The following KATNIP variants were observed in gnomAD, a reference collection of about 807,000 sequenced individuals.
KATNIP encodes the protein katanin-interacting protein.
KATNIP carries 126 observed loss-of-function variants against 174.0 expected under a neutral mutation model. The ratio of observed to expected loss-of-function variants is 0.72; its 90% CI spans 0.63 to 0.84. The LOEUF (loss-of-function observed/expected upper bound fraction) is 0.84, where lower values mean the gene tolerates loss of function less well. Ranked by LOEUF, KATNIP falls within the 40% of genes least tolerant of loss-of-function variation. The pLI is 0.00. For synonymous variants in KATNIP, 810 were observed against 835.7 expected (o/e 0.97, Z 0.53); for missense variants, 1,958 against 2,109.7 (o/e 0.93, Z 1.41).
At chr16:27,629,259 G>A (rs991505944) in intron 4 of KATNIP, among the ~76,000 whole-genome samples, 4 of 151,846 alleles carry the variant, frequency 2.6e-5, no homozygotes, top group Non-Finnish European at 5.9e-5. Context: ...GCCAGAAAGA[G>A]AGCATAAGAA....
intron 11 of KATNIP, among the ~76,000 whole-genome samples, chr16:27,702,312 G>A (rs112993599): frequency 1.2e-4 from 18 of 152,314 alleles, no homozygotes; most frequent in African/African-American, 3.6e-4. Flanking sequence ...CCACAGCAGC[G>A]TCCTTCGAAG....
chr16:27,584,153 G>C (rs1467649458), intron 2 of KATNIP, among the ~76,000 whole-genome samples: 1 of 152,022 alleles, frequency 6.6e-6, no homozygotes, highest in Non-Finnish European at 1.5e-5. Flanking sequence ...ATAGTGATTG[G>C]TGCTTCTTCC....
At chr16:27,552,103 T>C (rs2089404318) in intron 1 of KATNIP, among the ~76,000 whole-genome samples, 1 of 152,192 alleles carries the variant, frequency 6.6e-6, no homozygotes, top group South Asian at 2.1e-4. Context: ...TGGAAAACAA[T>C]TACATTTGCC....
At position 27,661,931 on chromosome 16, in the gene KATNIP, T is replaced by TAC. The variant is rs1445752757; in HGVS notation, c.540+13197_540+13198insCA. ...TGGCTAATATATATATATATATATA[T>TAC]ATATATATATATATATATATATATA... On this transcript the variant is annotated intron_variant, in intron 6 of 27. Transcript: ENST00000261588. Among the ~76,000 whole-genome samples, 17 of 58,772 alleles carry TAC rather than the reference T, an allele frequency of 2.9e-4. 1 individual carries two copies. Among genetic ancestry groups the TAC allele is most frequent in the African/African-American group, 1.1e-3 (15 of 14,266 alleles). 38.6% of individuals were successfully genotyped at this position (58,772 alleles called of 152,430 possible).
At chr16:27,707,457 A>G (rs908333718) in intron 12 of KATNIP, among the ~76,000 whole-genome samples, 3 of 152,206 alleles carry the variant, frequency 2.0e-5, no homozygotes, top group African/African-American at 7.2e-5. Flanking sequence ...ACACTTACAG[A>G]GCGCACCCAG....
chr16:27,693,498 C>T (rs956415987), intron 8 of KATNIP, among the ~76,000 whole-genome samples: 1 of 152,164 alleles, frequency 6.6e-6, no homozygotes, highest in Non-Finnish European at 1.5e-5. Context: ...AAGCGATTCT[C>T]CTGCCTCAGC....
intron 5 of KATNIP, chr16:27,644,238 TCTCGAA>T (rs2142293765): frequency 1.3e-5 from 2 of 152,266 alleles, no homozygotes; most frequent in South Asian, 4.2e-4. Flanking sequence ...GCCAGGCTGG[TCTCGAA>T]CTCCTGATCT....
At position 27,740,482 on chromosome 16, in the gene KATNIP, G is replaced by A. The variant is rs143351048; in HGVS notation, c.2185G>A (p.Glu729Lys). The A allele has an allele frequency of 3.8e-5, 61 of 1,613,996 alleles. No individual in the cohort carries two copies. The highest frequency in any genetic ancestry group is 4.8e-5 in the Non-Finnish European group (57 of 1,180,036). The part of the protein sequence containing the change: ...PPVKCPPVHE[E>K]PSLIQQLENL... Reference sequence around the variant, plus strand: ...TGTGAAGTGCCCTCCTGTCCATGAGGAGCCCTCTCTCATCCAACAACTGGA... The same window carrying A: ...TGTGAAGTGCCCTCCTGTCCATGAGAAGCCCTCTCTCATCCAACAACTGGA... Residue 729 changes from glutamate to lysine, a missense_variant, in exon 15 of 28, where the codon GAG (glutamate) becomes AAG (lysine). Coordinates refer to ENST00000261588, the MANE Select transcript of KATNIP (RefSeq NM_015202.5).
At chr16:27,668,503 G>A (rs1158398321) in intron 6 of KATNIP, among the ~76,000 whole-genome samples, 2 of 152,216 alleles carry the variant, frequency 1.3e-5, no homozygotes, top group Non-Finnish European at 2.9e-5. Flanking sequence ...CCAGCCATGT[G>A]GAACTGTAAG....
intron 5 of KATNIP, chr16:27,631,389 T>C (rs552875113): frequency 4.1e-6 from 2 of 492,956 alleles, no homozygotes; most frequent in East Asian, 6.7e-5. Flanking sequence ...AAAATAAAAA[T>C]AAAAAATTCG....
chr16:27,591,595 A>G (rs2075168693), intron 2 of KATNIP, among the ~76,000 whole-genome samples: 1 of 152,194 alleles, frequency 6.6e-6, no homozygotes, highest in Non-Finnish European at 1.5e-5. Flanking sequence ...AAATGGGGAT[A>G]ATGATAATAA....
chr16:27,551,224 T>A (rs1348686876), intron 1 of KATNIP, among the ~76,000 whole-genome samples: 2 of 152,248 alleles, frequency 1.3e-5, no homozygotes, highest in African/African-American at 4.8e-5. Flanking sequence ...AGAGTCCAGA[T>A]CATTTTTCTA....
chr16:27,757,486 C>A (rs1411128717), intron 18 of KATNIP: 21 of 985,166 alleles, frequency 2.1e-5, no homozygotes, highest in Admixed American at 6.1e-5. Context: ...CTGATGATTT[C>A]CCCAAAGATG....
chr16:27,612,481 G>A (rs1456960037), intron 2 of KATNIP, among the ~76,000 whole-genome samples: 3 of 152,124 alleles, frequency 2.0e-5, no homozygotes, highest in Non-Finnish European at 4.4e-5. Context: ...CTTGGGGCCA[G>A]GTGTGGTGGC....
intron 3 of KATNIP, among the ~76,000 whole-genome samples, chr16:27,627,122 G>T (rs370585448): frequency 2.6e-5 from 4 of 152,042 alleles, no homozygotes; most frequent in Non-Finnish European, 5.9e-5. Context: ...GCATTTTTGC[G>T]GTCACTTGCA....
At chr16:27,756,017 C>T (rs2081709561) in intron 18 of KATNIP, among the ~76,000 whole-genome samples, 1 of 152,216 alleles carries the variant, frequency 6.6e-6, no homozygotes, top group Admixed American at 6.5e-5. Flanking sequence ...CAGCCGTCAG[C>T]ACTTCCCGCC....
At chr16:27,620,182 C>T (rs1280459336) in intron 3 of KATNIP, among the ~76,000 whole-genome samples, 1 of 152,142 alleles carries the variant, frequency 6.6e-6, no homozygotes, top group East Asian at 1.9e-4. Flanking sequence ...AACTGAGTTG[C>T]CATAAAATTT....
At chr16:27,571,262 A>C (rs889103507) in intron 1 of KATNIP, among the ~76,000 whole-genome samples, 1 of 152,104 alleles carries the variant, frequency 6.6e-6, no homozygotes, top group Non-Finnish European at 1.5e-5. Context: ...TGAAGTCCTG[A>C]CCTCAGGTGA....
rs112164383 is a variant in KATNIP at position 27,762,146 on chromosome 16, C to T, written c.3809+556C>T. 1.0e-3 allele frequency among the ~76,000 whole-genome samples: 156 copies of T among 152,302 alleles called. 1 individual carries two copies. The highest frequency in any genetic ancestry group is 3.1e-3 in the African/African-American group (128 of 41,562). On this transcript the variant is annotated intron_variant, in intron 19 of 27. Transcript: ENST00000261588. Reference sequence around the variant, plus strand: ...TTGATCCACATGGACCTGCAGCCCACAGACCAGCACTCAGTTCCCCTGCCC... The same window carrying T: ...TTGATCCACATGGACCTGCAGCCCATAGACCAGCACTCAGTTCCCCTGCCC...
Sources: gnomAD v4.1 joint callset for allele counts (sites outside exome capture counted in the v4.1 genomes callset) on GRCh38, gnomAD v4.1.1 for gene constraint, MANE v1.5 for transcripts, NCBI Gene and HGNC (gene_info 2026-07-23, HGNC 2026-07-21) for gene names.